EPHB1: variants seen among roughly 807,000 people sequenced by gnomAD.
EPHB1 encodes EPH receptor B1.
A neutral mutation model predicts 94.4 loss-of-function variants in EPHB1; 30 were observed. That is an observed-to-expected ratio of 0.32 (90% CI 0.24 to 0.43). The LOEUF is 0.43. Ranked by LOEUF, EPHB1 falls within the 20% of genes least tolerant of loss-of-function variation. The pLI, the probability that EPHB1 is intolerant of heterozygous loss-of-function variation, is 1.00. For missense variants in EPHB1, 1,055 were observed against 1,308.3 expected (o/e 0.81, Z 2.99); for synonymous variants, 522 against 489.1 (o/e 1.07, Z -0.89).
At chr3:134,879,092 G>A (rs1578163719) in intron 1 of EPHB1, among the ~76,000 whole-genome samples, 1 of 152,270 alleles carries the variant, frequency 6.6e-6, no homozygotes, top group East Asian at 1.9e-4. Flanking sequence ...TAAGTCACTA[G>A]TGGTGCCTGA....
At chr3:134,882,743 TTTCTTCCTTTC>T (rs1312498076) in intron 1 of EPHB1, among the ~76,000 whole-genome samples, 1 of 67,180 alleles carries the variant, frequency 1.5e-5, no homozygotes, top group Admixed American at 1.5e-4. Context: ...TCTTTCCTTC[TTTCTTCCTTTC>T]TTCCTTCCTT....
rs1281577436 is a variant in EPHB1 at position 135,132,731 on chromosome 3, C to T, written c.979C>T (p.Arg327Cys). Reference protein sequence around the residue: ...VACTSVPSGPRNVISIVNETS... With the variant: ...VACTSVPSGPCNVISIVNETS... ...CCCTGCAGGCGTCCCATCAGGTCCC[C>T]GCAATGTTATCTCCATCGTCAATGA... The change falls in exon 5 of 16, where the codon CGC becomes TGC. Residue 327 changes from arginine to cysteine, a missense_variant. Physicochemically the swap from Arg to Cys is radical, Grantham distance 180 (BLOSUM62 -3). Coordinates refer to ENST00000398015, the MANE Select transcript of EPHB1 (RefSeq NM_004441.5). The T allele has an allele frequency of 1.2e-5, 19 of 1,596,016 alleles. No individual in the cohort carries two copies. The highest frequency in any genetic ancestry group is 3.4e-5 in the Admixed American group (2 of 59,486).
chr3:134,920,458 T>C (rs1420834691), intron 1 of EPHB1, among the ~76,000 whole-genome samples: 3 of 152,190 alleles, frequency 2.0e-5, no homozygotes, highest in Non-Finnish European at 4.4e-5. Flanking sequence ...ACGGTGGCGC[T>C]AGCCCTGTCC....
Position 134,954,813 on chromosome 3 carries a change from C to T in EPHB1, c.805+2761C>T, listed in dbSNP as rs370041526. Among the ~76,000 whole-genome samples, 5 of 152,276 alleles carry T rather than the reference C, an allele frequency of 3.3e-5. No homozygotes were observed. In the East Asian group the frequency reaches 9.7e-4, roughly 29 times the overall value. On this transcript the variant is annotated intron_variant, in intron 3 of 15. Coordinates refer to ENST00000398015, the MANE Select transcript of EPHB1 (RefSeq NM_004441.5). ...GGCTTTCACTTTGCTTCTGTGAAAC[C>T]GTCTCCTGTCAAAGTCGTGGTGACC...
At chr3:135,066,092 T>C (rs961710871) in intron 3 of EPHB1, among the ~76,000 whole-genome samples, 4 of 152,222 alleles carry the variant, frequency 2.6e-5, no homozygotes, top group East Asian at 1.9e-4. Flanking sequence ...GGTTTTCCTT[T>C]ATAGCTTACC....
At chr3:134,816,640 C>T (rs1399704) in intron 1 of EPHB1, among the ~76,000 whole-genome samples, 18,081 of 151,830 alleles carry the variant, frequency 0.12, 2,605 homozygotes, top group African/African-American at 0.35. Context: ...AACAGATTCC[C>T]AGGCACCCTC....
intron 3 of EPHB1, among the ~76,000 whole-genome samples, chr3:135,038,623 T>A (rs1398240921): frequency 1.3e-5 from 2 of 152,100 alleles, no homozygotes; most frequent in Admixed American, 1.3e-4. Context: ...GTGTTACAGC[T>A]CTTAAGGTGG....
At chr3:135,132,576 C>G in intron 4 of EPHB1, 138 bp from the exon 5 acceptor site, 1 of 682,544 alleles carries the variant, frequency 1.5e-6, no homozygotes, top group Non-Finnish European at 2.4e-6. Flanking sequence ...TGAATTGAAG[C>G]ATAGCCATTT....
At position 134,881,874 on chromosome 3, in the gene EPHB1, G is replaced by T. The variant is rs563420364; in HGVS notation, c.59-43942G>T. Among the ~76,000 whole-genome samples the T allele has an allele frequency of 2.2e-3, 337 of 152,296 alleles. 2 individuals carry two copies. The highest frequency in any genetic ancestry group is 7.6e-3 in the African/African-American group (315 of 41,570). ...GTGACTGCCATGACATCTGACCATG[G>T]TTTCATGCAGTTTCCATCAAAGATG... is the stretch of plus-strand genomic sequence containing the variant. On this transcript the variant is annotated intron_variant, in intron 1 of 15. Coordinates refer to ENST00000398015, the MANE Select transcript of EPHB1 (RefSeq NM_004441.5).
intron 9 of EPHB1, among the ~76,000 whole-genome samples, chr3:135,178,243 G>T (rs2107704174): frequency 6.7e-6 from 1 of 149,120 alleles, no homozygotes; most frequent in Non-Finnish European, 1.5e-5. Flanking sequence ...GGATCATGAG[G>T]TCGGGAGTTC....
At chr3:135,133,227 C>T (rs1441093513) in intron 5 of EPHB1, among the ~76,000 whole-genome samples, 178 bp downstream of exon 5, 1 of 152,196 alleles carries the variant, frequency 6.6e-6, no homozygotes, top group Non-Finnish European at 1.5e-5. Flanking sequence ...TGTAGTGTTG[C>T]GCTTCTGAGA....
At chr3:134,878,128 G>C (rs557948248) in intron 1 of EPHB1, among the ~76,000 whole-genome samples, 1 of 152,326 alleles carries the variant, frequency 6.6e-6, no homozygotes, top group South Asian at 2.1e-4. Context: ...CTTGGGTGCT[G>C]AGGCTGGAAC....
At chr3:134,856,737 T>C (rs543260768) in intron 1 of EPHB1, among the ~76,000 whole-genome samples, 1 of 152,386 alleles carries the variant, frequency 6.6e-6, no homozygotes, top group South Asian at 2.1e-4. Context: ...TTTAGTCTAA[T>C]TATATCTTTA....
chr3:134,972,706 A>T (rs1296443609), intron 3 of EPHB1, among the ~76,000 whole-genome samples: 1 of 152,036 alleles, frequency 6.6e-6, no homozygotes, highest in East Asian at 1.9e-4. Context: ...AAGAGACTTG[A>T]CAGATTTATA....
intron 1 of EPHB1, among the ~76,000 whole-genome samples, chr3:134,922,611 T>C (rs2038710093): frequency 6.6e-6 from 1 of 152,206 alleles, no homozygotes; most frequent in Admixed American, 6.5e-5. Context: ...TTTTATTTGA[T>C]TCTGGACTCT....
chr3:135,258,197 G>A (rs1449214904), intron 15 of EPHB1, among the ~76,000 whole-genome samples: 1 of 152,216 alleles, frequency 6.6e-6, no homozygotes, highest in Non-Finnish European at 1.5e-5. Context: ...GCTGTAGACT[G>A]GAGCTGTTCC....
chr3:134,830,128 C>T (rs1413544353), intron 1 of EPHB1, among the ~76,000 whole-genome samples: 1 of 152,068 alleles, frequency 6.6e-6, no homozygotes, highest in Non-Finnish European at 1.5e-5. Context: ...CATTTTACCA[C>T]GTTGTGCTCA....
intron 3 of EPHB1, among the ~76,000 whole-genome samples, chr3:134,959,966 C>CTTTTTTTTTTTTT (rs61369813): frequency 4.7e-5 from 5 of 107,422 alleles, no homozygotes; most frequent in Non-Finnish European, 9.6e-5. Flanking sequence ...ACATCTGCAC[C>CTTTTTTTTTTTTT]TTTTTTTTTT....
intron 12 of EPHB1, among the ~76,000 whole-genome samples, chr3:135,213,301 C>T (rs999907620): frequency 2.0e-5 from 3 of 152,218 alleles, no homozygotes; most frequent in African/African-American, 7.2e-5. Context: ...AGGAATAGTT[C>T]TGAACTGCTA....
Sources: gnomAD v4.1 joint callset for allele counts (sites outside exome capture counted in the v4.1 genomes callset) on GRCh38, gnomAD v4.1.1 for gene constraint, MANE v1.5 for transcripts, NCBI Gene and HGNC (gene_info 2026-07-23, HGNC 2026-07-21) for gene names.